Variants in NSD3 observed in about 807,000 individuals in gnomAD.
NSD3 encodes histone-lysine N-methyltransferase NSD3.
Under a neutral mutation model 160.8 loss-of-function variants are expected in NSD3, and 24 were observed. The observed-to-expected ratio is 0.15, with a 90% CI of 0.11 to 0.21. The LOEUF is 0.21. Among genes scored for constraint, NSD3 ranks in the 10% least tolerant of loss-of-function variants. NSD3 has a pLI of 1.00. For missense variants in NSD3, 1,157 were observed against 1,735.9 expected (o/e 0.67, Z 5.93); for synonymous variants, 520 against 600.0 (o/e 0.87, Z 1.95).
chr8:38,318,098 T>C lies in NSD3; in HGVS notation c.1855+797A>G, dbSNP rs1219199755. 4 of 1,599,106 alleles carry C rather than the reference T, an allele frequency of 2.5e-6. No individual in the cohort carries two copies. In the African/African-American group the frequency reaches 5.4e-5, roughly 21 times the overall value. On this transcript the variant is annotated intron_variant, in intron 9 of 23. Transcript: ENST00000317025. The surrounding 1 kb of genome is among the most constrained non-coding windows in gnomAD (Gnocchi z 5.3). ...TCCTAATCTCGCAGCGATCGCGATG[T>C]CTTTTCTTGGAGCTCCGCCAAGCAG...
intron 1 of NSD3, among the ~76,000 whole-genome samples, chr8:38,365,736 G>A (rs1395750629): frequency 2.6e-5 from 4 of 151,976 alleles, no homozygotes; most frequent in Non-Finnish European, 4.4e-5. Context: ...GTGAGCCACC[G>A]CACCCGGCTT....
In NSD3 at chr8:38,356,822, C is replaced by T. The variant is rs544742872; in HGVS notation, c.-44-8607G>A. 8.6e-5 allele frequency among the ~76,000 whole-genome samples: 13 copies of T among 151,936 alleles called. No homozygotes were observed. In the South Asian group the frequency reaches 2.7e-3, roughly 32 times the overall value. On this transcript the variant is annotated intron_variant, in intron 1 of 23. Coordinates refer to ENST00000317025, the MANE Select transcript of NSD3 (RefSeq NM_023034.2). ...AATAGAAACTTTATATTTAATTATA[C>T]TTAAAAATTCCTTAGGCTGGGAGCA...
chr8:38,362,263 G>T lies in NSD3; in HGVS notation c.-44-14048C>A, dbSNP rs1345326303. Reference sequence around the variant, plus strand: ...TAGAGTATTACAGTAAGGCGGGGGGGGGGGGGGGGGCACAAGATTGGATTA... The same window carrying T: ...TAGAGTATTACAGTAAGGCGGGGGGTGGGGGGGGGGCACAAGATTGGATTA... On this transcript the variant is annotated intron_variant, in intron 1 of 23. Transcript: ENST00000317025. Among the ~76,000 whole-genome samples, 3 of 53,440 alleles carry T rather than the reference G, an allele frequency of 5.6e-5. 1 individual carries two copies. The highest frequency in any genetic ancestry group is 1.4e-4 in the Non-Finnish European group (3 of 21,110). 35.1% of individuals were successfully genotyped at this position (53,440 alleles called of 152,430 possible). A position where few individuals can be genotyped will look rare whatever the true frequency, so the allele number is the denominator to read the frequency against.
intron 1 of NSD3, among the ~76,000 whole-genome samples, chr8:38,359,011 A>G (rs1810892787): frequency 6.6e-6 from 1 of 152,194 alleles, no homozygotes; most frequent in African/African-American, 2.4e-5. Context: ...GCGTAACTAT[A>G]GAAGATGCTA....
Position 38,290,574 on chromosome 8 carries a change from C to T in NSD3, c.3019G>A (p.Asp1007Asn). ...CTGCCCTGGTGTACCCAGTAGTAGT[C>T]ATGAGAACCAAAGAAGAATACAGGG... is the stretch of plus-strand genomic sequence containing the variant. ...DFPVFFFGSH[D>N]YYWVHQGRVF... Residue 1007 changes from aspartate (D) to asparagine (N), a missense_variant, in exon 17 of 24, where the codon GAC becomes AAC. Physicochemically the swap from Asp to Asn is conservative, Grantham distance 23. Around this residue, in one of 10 missense-constraint regions of NSD3, gnomAD observed 437 missense variants for 576.6 expected, o/e 0.76. Transcript: ENST00000317025. The T allele has an allele frequency of 6.2e-7, 1 of 1,614,116 alleles. No individual in the cohort carries two copies. Among genetic ancestry groups the T allele is most frequent in the Non-Finnish European group, 8.5e-7 (1 of 1,180,008 alleles).
At chr8:38,322,647 A>AC (rs1159673820) in intron 7 of NSD3, among the ~76,000 whole-genome samples, 5 of 152,222 alleles carry the variant, frequency 3.3e-5, no homozygotes, top group Admixed American at 2.6e-4. Context: ...TTACCCAAAG[A>AC]ACATATACAT....
At chr8:38,278,176 G>T (rs1180438791) in intron 22 of NSD3, 130 bp downstream of exon 22, 2 of 615,476 alleles carry the variant, frequency 3.2e-6, no homozygotes, top group African/African-American at 1.9e-5. Context: ...CTGACCTCGT[G>T]ATCTGCCCGC....
At chr8:38,348,667 T>C (rs1056559873) in intron 1 of NSD3, among the ~76,000 whole-genome samples, 1 of 152,176 alleles carries the variant, frequency 6.6e-6, no homozygotes. Flanking sequence ...TATTGCATTT[T>C]TTCTTTTTTT....
chr8:38,275,172 A>G lies in NSD3; in HGVS notation c.*469T>C, dbSNP rs1808568986. 1 of 240,928 alleles carries G rather than the reference A, an allele frequency of 4.2e-6. No individual in the cohort carries two copies. The highest frequency in any genetic ancestry group is 2.2e-5 in the African/African-American group (1 of 45,400). The allele number at this position is 240,928 out of a possible 1,614,324, so 14.9% of individuals were successfully genotyped here. On this transcript the variant is annotated 3_prime_UTR_variant, in exon 24 of 24. Transcript: ENST00000317025. ...ATACCCTTTCCTAGAGGGCTTTCTC[A>G]GATTCCTACTTAAAACACACACACA...
At chr8:38,377,235 T>C (rs906018340) in intron 1 of NSD3, among the ~76,000 whole-genome samples, 3 of 144,096 alleles carry the variant, frequency 2.1e-5, no homozygotes, top group Non-Finnish European at 3.1e-5. Flanking sequence ...GTATTTTTAG[T>C]AGAGACGGGA....
intron 23 of NSD3, 102 bp from the exon 24 acceptor site, chr8:38,275,984 G>T: frequency 9.6e-7 from 1 of 1,039,166 alleles, no homozygotes; most frequent in Non-Finnish European, 1.4e-6. Flanking sequence ...CATTGGAGAT[G>T]GAATTCAATT....
In NSD3 at chr8:38,272,673, T is replaced by A. The variant is rs1808511308; in HGVS notation, c.*2968A>T. The A allele has an allele frequency of 6.6e-6, 1 of 152,204 alleles. No individual in the cohort carries two copies. The highest frequency in any genetic ancestry group is 1.5e-5 in the Non-Finnish European group (1 of 68,032). 9.4% of individuals were successfully genotyped at this position (152,204 alleles called of 1,614,324 possible). On this transcript the variant is annotated 3_prime_UTR_variant, in exon 24 of 24. Transcript: ENST00000317025. ...CAAATTAACATGTGGTTAAAAAAAA[T>A]ACCACCATTAGCCCATGCTGCTTTA...
At chr8:38,322,383 T>G (rs1293947642) in intron 7 of NSD3, among the ~76,000 whole-genome samples, 1 of 152,132 alleles carries the variant, frequency 6.6e-6, no homozygotes, top group Non-Finnish European at 1.5e-5. Flanking sequence ...CTGACGAAAA[T>G]GTTTACTAAG....
intron 12 of NSD3, among the ~76,000 whole-genome samples, chr8:38,312,564 T>A (rs1809559647): frequency 1.3e-5 from 2 of 151,976 alleles, no homozygotes; most frequent in South Asian, 4.2e-4. Context: ...TGGTGGGAGG[T>A]GTATGGATCA....
Position 38,319,896 on chromosome 8 carries a change from C to T in NSD3, c.1810-956G>A, listed in dbSNP as rs1435716892. On this transcript the variant is annotated intron_variant, in intron 8 of 23. Transcript: ENST00000317025. This position sits in a 1 kb window ranked among gnomAD's most constrained non-coding sequence, Gnocchi z 4.1. ...TATTGTTCTACTACTAACTATAACA[C>T]AGTGGCATTAACAATTTGTCCCACT... is the stretch of plus-strand genomic sequence containing the variant. 6.6e-6 allele frequency: 1 copy of T among 152,116 alleles called. No individual in the cohort carries two copies. The highest frequency in any genetic ancestry group is 2.4e-5 in the African/African-American group (1 of 41,430). The allele number at this position is 152,116 out of a possible 1,614,324, so 9.4% of individuals were successfully genotyped here. A position where few individuals can be genotyped will look rare whatever the true frequency, so the allele number is the denominator to read the frequency against.
Position 38,305,263 on chromosome 8 carries a change from G to A in NSD3, c.2425C>T (p.His809Tyr). Reference sequence around the variant, plus strand: ...GCTGTTTTACCTTTACTTGCTTTGTGGATATCTTTCTCCATAGAGCAGGCA... The same window carrying A: ...GCTGTTTTACCTTTACTTGCTTTGTAGATATCTTTCTCCATAGAGCAGGCA... The part of the protein sequence containing the change: ...CSACSMEKDI[H>Y]KASKGRMMRC... The change falls in exon 13 of 24, where the codon CAC (histidine) becomes TAC (tyrosine). Residue 809 changes from histidine (H) to tyrosine (Y), a missense_variant. His to Tyr is a moderately conservative substitution (Grantham distance 83, BLOSUM62 2). Coordinates refer to ENST00000317025, the MANE Select transcript of NSD3 (RefSeq NM_023034.2). 2 of 1,614,044 alleles carry A rather than the reference G, an allele frequency of 1.2e-6. No individual in the cohort carries two copies. The highest frequency in any genetic ancestry group is 1.7e-6 in the Non-Finnish European group (2 of 1,179,956).
chr8:38,370,429 C>G (rs1811216508), intron 1 of NSD3, among the ~76,000 whole-genome samples: 3 of 148,528 alleles, frequency 2.0e-5, no homozygotes. Context: ...CGCCCAGGCT[C>G]AGGAGAATAA....
In NSD3 at chr8:38,318,956, AAT is replaced by A. The variant is rs1234395194; in HGVS notation, c.1810-18_1810-17del. 6.3e-7 allele frequency: 1 copy of A among 1,599,198 alleles called. No individual in the cohort carries two copies. Among genetic ancestry groups the A allele is most frequent in the Non-Finnish European group, 8.5e-7 (1 of 1,175,444 alleles). ...CTGTTTCAACCTGTTTGGACAGAAAAATACAGCATTAACAAAGAATTTTTTTC... is the reference window on the plus strand; with the variant it reads ...CTGTTTCAACCTGTTTGGACAGAAAAACAGCATTAACAAAGAATTTTTTTC... On this transcript the variant is annotated splice_polypyrimidine_tract_variant and intron_variant, in intron 8 of 23. Transcript: ENST00000317025. This position sits in a 1 kb window ranked among gnomAD's most constrained non-coding sequence, Gnocchi z 5.3.
rs376928698 is a variant in NSD3 at position 38,295,909 on chromosome 8, G to A, written c.2802C>T (p.His934=). 7.7e-5 allele frequency: 124 copies of A among 1,613,644 alleles called. No individual in the cohort carries two copies. Among genetic ancestry groups the A allele is most frequent in the Non-Finnish European group, 1.0e-4 (118 of 1,179,864 alleles). Residue 934 remains histidine, a synonymous_variant, in exon 16 of 24, where the codon CAC becomes CAT. Transcript: ENST00000317025. ...GCATTTCTATGCTTAGGCATTCCGG[G>A]TGGAAGGAAGCTGGGCACGATTCAC... ...LCCESCPASF[H]PECLSIEMPE... is the part of the protein sequence containing the mutation.
Sources: allele counts gnomAD v4.1 joint callset (sites outside exome capture counted in the v4.1 genomes callset), GRCh38; gene constraint gnomAD v4.1.1; regional missense constraint gnomAD v4.1.1; non-coding constraint Gnocchi (gnomAD v3.1); transcripts MANE v1.5; gene names NCBI Gene and HGNC (gene_info 2026-07-23, HGNC 2026-07-21).